Variants in POLA1 observed in about 807,000 individuals in gnomAD.
POLA1 encodes the protein DNA polymerase alpha catalytic subunit.
In POLA1, 15 loss-of-function variants were observed where a neutral mutation model predicts 124.0. The ratio of observed to expected loss-of-function variants is 0.12; its 90% CI spans 0.08 to 0.19. The LOEUF (loss-of-function observed/expected upper bound fraction) is 0.19. POLA1 is among the 10% of genes least tolerant of loss of function. POLA1 has a pLI of 1.00. For missense variants in POLA1, 886 were observed against 1,103.4 expected, an observed-to-expected ratio of 0.80 and a Z score of 2.79; for synonymous variants, 408 against 389.4, an observed-to-expected ratio of 1.05 and a Z score of -0.56.
chrX:24,737,422 C>T (rs1395176466), intron 18 of POLA1, among the ~76,000 whole-genome samples: 1 of 111,730 alleles, frequency 9.0e-6, no homozygotes, highest in Non-Finnish European at 1.9e-5. Flanking sequence ...ATCTGCTTAG[C>T]AGCCTTGTTA....
At position 24,934,367 on chromosome X, in the gene POLA1, G is replaced by A. The variant is rs1367604946; in HGVS notation, c.4261+3818G>A. Among the ~76,000 whole-genome samples the A allele has an allele frequency of 2.7e-5, 3 of 111,986 alleles. No individual in the cohort carries two copies. The East Asian group carries it at 8.4e-4, about 31-fold the overall frequency. On this transcript the variant is annotated intron_variant, in intron 36 of 36. Transcript: ENST00000379068. The stretch of plus-strand genomic sequence containing the variant: ...GGCCAACACTCCCTGCCCTGGAGGA[G>A]CTTAGAGTCTGTTGAGGAAAGACAG...
intron 34 of POLA1, among the ~76,000 whole-genome samples, chrX:24,865,429 GT>G (rs2046781357): frequency 8.9e-6 from 1 of 111,760 alleles, no homozygotes; most frequent in Non-Finnish European, 1.9e-5. Flanking sequence ...TTGTTTGTCT[GT>G]TTTTAAGCTT....
intron 26 of POLA1, among the ~76,000 whole-genome samples, chrX:24,806,976 G>A (rs375483610): frequency 8.9e-6 from 1 of 111,771 alleles, no homozygotes; most frequent in Non-Finnish European, 1.9e-5. Context: ...AAGCAGTTGC[G>A]GCATACTCTA....
chrX:24,725,894 T>C (rs1231807060), intron 12 of POLA1, 87 bp from the exon 13 acceptor site: 1 of 585,150 alleles, frequency 1.7e-6, no homozygotes, highest in Non-Finnish European at 2.7e-6. Context: ...GGATTCTTGA[T>C]GATTAAATAC....
intron 35 of POLA1, among the ~76,000 whole-genome samples, chrX:24,923,950 A>G (rs2047655869): frequency 8.9e-6 from 1 of 112,272 alleles, no homozygotes; most frequent in African/African-American, 3.2e-5. Context: ...CGAATAATTT[A>G]CCTAAAGCCT....
At chrX:24,938,471 C>T (rs914641927) in intron 36 of POLA1, among the ~76,000 whole-genome samples, 1 of 111,948 alleles carries the variant, frequency 8.9e-6, no homozygotes, top group Non-Finnish European at 1.9e-5. Context: ...GGGCCACTCT[C>T]TATGTGCCCA....
rs1190389531 is a variant in POLA1, at chrX:24,713,243, G to A, written c.347-1311G>A. ...CTCCCAAAGTGCTGGGATTACAGGC[G>A]TGAGCCACCGCGCCTGGCCTACCAC... On this transcript the variant is annotated intron_variant, in intron 4 of 36. Coordinates refer to ENST00000379068, the MANE Select transcript of POLA1 (RefSeq NM_001330360.2). 2.7e-5 allele frequency among the ~76,000 whole-genome samples: 3 copies of A among 111,335 alleles called. No homozygotes were observed. The Admixed American group carries it at 2.8e-4, about 11-fold the overall frequency.
intron 35 of POLA1, among the ~76,000 whole-genome samples, chrX:24,910,008 G>T (rs2047424933): frequency 9.0e-6 from 1 of 110,832 alleles, no homozygotes; most frequent in South Asian, 3.9e-4. Flanking sequence ...AATGTGAATG[G>T]TAGTTCACTC....
intron 26 of POLA1, among the ~76,000 whole-genome samples, chrX:24,770,257 TA>T (rs986894474): frequency 9.0e-6 from 1 of 111,473 alleles, no homozygotes; most frequent in African/African-American, 3.3e-5. Flanking sequence ...GGTCCCTGAT[TA>T]TAGTCTGAGT....
intron 32 of POLA1, among the ~76,000 whole-genome samples, chrX:24,830,755 G>T (rs1166982159): frequency 8.9e-6 from 1 of 111,949 alleles, no homozygotes; most frequent in Non-Finnish European, 1.9e-5. Context: ...TCCATACCTA[G>T]CTGACTAGGC....
chrX:24,946,944 C>A (rs1322146221), intron 36 of POLA1, among the ~76,000 whole-genome samples: 1 of 111,589 alleles, frequency 9.0e-6, no homozygotes, highest in Non-Finnish European at 1.9e-5. Flanking sequence ...TAGCCCATAC[C>A]ATCTCCTCAT....
At chrX:24,861,347 A>G (rs771443156) in intron 34 of POLA1, among the ~76,000 whole-genome samples, 1 of 112,071 alleles carries the variant, frequency 8.9e-6, no homozygotes, top group Non-Finnish European at 1.9e-5. Flanking sequence ...TCCCAAGCTG[A>G]TCTTGAACTC....
chrX:24,953,854 C>G (rs1054009791), intron 36 of POLA1, among the ~76,000 whole-genome samples: 1 of 111,956 alleles, frequency 8.9e-6, no homozygotes, highest in Non-Finnish European at 1.9e-5. Flanking sequence ...TAGGGAGATT[C>G]TGAAGAGCAT....
intron 34 of POLA1, among the ~76,000 whole-genome samples, chrX:24,876,357 G>C (rs149367955): frequency 9.0e-6 from 1 of 111,487 alleles, no homozygotes; most frequent in Non-Finnish European, 1.9e-5. Context: ...ACTTCATCTC[G>C]GCATGTAGAC....
At chrX:24,829,306 G>A (rs1313285699) in intron 32 of POLA1, among the ~76,000 whole-genome samples, 2 of 111,411 alleles carry the variant, frequency 1.8e-5, no homozygotes, top group Admixed American at 1.9e-4. Context: ...CTCACTTTTG[G>A]CTACTTTTTC....
chrX:24,720,018 G>T (rs1038861267), intron 10 of POLA1, among the ~76,000 whole-genome samples: 20 of 110,555 alleles, frequency 1.8e-4, no homozygotes, highest in African/African-American at 5.3e-4. Context: ...ATCCTCAGTG[G>T]CTACTGCCTA....
intron 26 of POLA1, among the ~76,000 whole-genome samples, chrX:24,795,140 G>A (rs2045583523): frequency 9.0e-6 from 1 of 110,895 alleles, no homozygotes; most frequent in African/African-American, 3.3e-5. Context: ...ATCGTTGAGA[G>A]CGCATTCCAA....
chrX:24,810,384 C>T (rs2045878516), intron 27 of POLA1, among the ~76,000 whole-genome samples: 1 of 111,098 alleles, frequency 9.0e-6, no homozygotes, highest in Non-Finnish European at 1.9e-5. Flanking sequence ...AATATAGACC[C>T]CATTTCCTAG....
intron 26 of POLA1, among the ~76,000 whole-genome samples, chrX:24,800,884 A>G (rs1473987725): frequency 8.9e-6 from 1 of 112,191 alleles, no homozygotes; most frequent in Non-Finnish European, 1.9e-5. Context: ...GATCAAAATA[A>G]TAGCCCTGTC....
Sources: gnomAD v4.1 joint callset for allele counts (sites outside exome capture counted in the v4.1 genomes callset) on GRCh38, gnomAD v4.1.1 for gene constraint, MANE v1.5 for transcripts, NCBI Gene and HGNC (gene_info 2026-07-23, HGNC 2026-07-21) for gene names.